The following NCOA3 variants were observed in gnomAD, a reference collection of about 807,000 sequenced individuals.
The protein encoded by NCOA3 is nuclear receptor coactivator 3, also known as CBP-interacting protein.
NCOA3 carries 51 observed loss-of-function variants against 158.8 expected under a neutral mutation model. The ratio of observed to expected loss-of-function variants is 0.32; its 90% CI spans 0.26 to 0.41. The LOEUF (loss-of-function observed/expected upper bound fraction) is 0.41, where lower values mean the gene tolerates loss of function less well. Ranked by LOEUF, NCOA3 falls within the 10% of genes least tolerant of loss-of-function variation. The probability of loss-of-function intolerance (pLI) is 1.00; values close to 1 mark genes in which losing one functional copy is unlikely to be tolerated. For synonymous variants in NCOA3, 537 were observed against 592.4 expected (o/e 0.91, Z 1.36); for missense variants, 1,510 against 1,746.6 (o/e 0.86, Z 2.41).
chr20:47,509,972 A>G (rs951672440), intron 1 of NCOA3, among the ~76,000 whole-genome samples: 6 of 152,208 alleles, frequency 3.9e-5, no homozygotes, highest in Non-Finnish European at 5.9e-5. Flanking sequence ...AGGAAAATCT[A>G]CCAGTGAAGA....
intron 1 of NCOA3, among the ~76,000 whole-genome samples, chr20:47,512,113 A>G (rs960239241): frequency 1.3e-5 from 2 of 152,180 alleles, no homozygotes; most frequent in African/African-American, 4.8e-5. Flanking sequence ...CCGGAAGTTA[A>G]AGACTAGGCT....
In NCOA3 at chr20:47,636,710, C is replaced by G. The variant is rs766270411; in HGVS notation, c.2324C>G (p.Pro775Arg). Residue 775 changes from proline to arginine, a missense_variant, in exon 12 of 23, where the codon CCT becomes CGT. By Grantham distance (103) the Pro-to-Arg change is moderately radical. Coordinates refer to ENST00000371998, the MANE Select transcript of NCOA3 (RefSeq NM_181659.3). ...KMSQCTSSTI[P>R]SSSQEKDPKI... ...AGTCAGTGCACCAGCTCCACCATTC[C>G]TAGCTCAAGTCAAGAGAAAGACCCT... 1.5e-5 allele frequency: 24 copies of G among 1,613,844 alleles called. No homozygotes were observed. Among genetic ancestry groups the G allele is most frequent in the Non-Finnish European group, 2.0e-5 (24 of 1,179,888 alleles).
intron 2 of NCOA3, among the ~76,000 whole-genome samples, chr20:47,597,221 G>T (rs1211377247): frequency 6.6e-6 from 1 of 152,186 alleles, no homozygotes; most frequent in Non-Finnish European, 1.5e-5. Context: ...CCTCCAACTG[G>T]TCTGCTTTAT....
chr20:47,643,108 T>C (rs2086636669), intron 17 of NCOA3, among the ~76,000 whole-genome samples: 1 of 152,190 alleles, frequency 6.6e-6, no homozygotes, highest in African/African-American at 2.4e-5. Flanking sequence ...GAGATGAGAT[T>C]TTGCCATGTT....
At chr20:47,593,805 A>G (rs925369893) in intron 2 of NCOA3, among the ~76,000 whole-genome samples, 1 of 152,214 alleles carries the variant, frequency 6.6e-6, no homozygotes, top group African/African-American at 2.4e-5. Context: ...TCTAGTTTCT[A>G]AAGTTCTGTT....
At chr20:47,605,590 C>T (rs1041611223) in intron 2 of NCOA3, among the ~76,000 whole-genome samples, 3 of 151,476 alleles carry the variant, frequency 2.0e-5, no homozygotes, top group Non-Finnish European at 2.9e-5. Flanking sequence ...GAGATTTTTT[C>T]GTTTTACCTG....
At chr20:47,546,100 C>G (rs918998034) in intron 1 of NCOA3, among the ~76,000 whole-genome samples, 1 of 152,174 alleles carries the variant, frequency 6.6e-6, no homozygotes, top group African/African-American at 2.4e-5. Flanking sequence ...ATTTAGATTT[C>G]TAATGGACAA....
In NCOA3 at chr20:47,640,111, T is replaced by C. The variant is rs1310991625; in HGVS notation, c.3080+60T>C. ...CAGCATTGGGTAGTTTAGAAAAGAG[T>C]TGGAGCACAGAAGCAAACGTGAAAG... On this transcript the variant is annotated intron_variant, in intron 16 of 22. Transcript: ENST00000371998. 2.0e-5 allele frequency: 32 copies of C among 1,605,848 alleles called. 1 individual carries two copies. Among genetic ancestry groups the C allele is most frequent in the South Asian group, 1.1e-4 (10 of 90,362 alleles).
chr20:47,522,091 G>T (rs1261481126), intron 1 of NCOA3, among the ~76,000 whole-genome samples: 2 of 127,136 alleles, frequency 1.6e-5, no homozygotes, highest in African/African-American at 2.9e-5. Context: ...AGTTACCATT[G>T]TACAGATCTT....
intron 1 of NCOA3, among the ~76,000 whole-genome samples, chr20:47,507,384 G>GC (rs1039963640): frequency 5.3e-5 from 8 of 152,124 alleles, no homozygotes; most frequent in African/African-American, 1.9e-4. Context: ...CTGGGCAGTG[G>GC]CAGAGCATGT....
intron 2 of NCOA3, among the ~76,000 whole-genome samples, chr20:47,586,068 C>T (rs1022576822): frequency 3.3e-5 from 5 of 151,754 alleles, no homozygotes; most frequent in African/African-American, 9.7e-5. Context: ...TACAGGCACG[C>T]GCCACCCTGC....
At chr20:47,621,908 CTCAG>C (rs1214950238) in intron 2 of NCOA3, among the ~76,000 whole-genome samples, 2 of 152,066 alleles carry the variant, frequency 1.3e-5, no homozygotes, top group Admixed American at 1.3e-4. Context: ...AACTCCTGAC[CTCAG>C]GTGATCCACC....
chr20:47,651,640 A>G (rs1025886892), intron 20 of NCOA3, among the ~76,000 whole-genome samples: 2 of 151,836 alleles, frequency 1.3e-5, no homozygotes, highest in African/African-American at 4.8e-5. Context: ...GTGGGCTTTT[A>G]AGTTGATTTT....
chr20:47,578,801 T>G lies in NCOA3; in HGVS notation c.-98-4382T>G, dbSNP rs112718351. On this transcript the variant is annotated intron_variant, in intron 1 of 22. Transcript: ENST00000371998. Reference sequence around the variant, plus strand: ...GACAGTGGCTCCCCTTTTCTGTGATTTTAGGGAAGTGAGGAAGGAGATCCT... The same window carrying G: ...GACAGTGGCTCCCCTTTTCTGTGATGTTAGGGAAGTGAGGAAGGAGATCCT... Among the ~76,000 whole-genome samples the G allele has an allele frequency of 7.1e-3, 1,084 of 152,308 alleles. 21 individuals carry two copies. The highest frequency in any genetic ancestry group is 0.025 in the African/African-American group (1,027 of 41,562).
At chr20:47,573,420 CAAAA>C (rs5841702) in intron 1 of NCOA3, among the ~76,000 whole-genome samples, 1 of 150,934 alleles carries the variant, frequency 6.6e-6, no homozygotes, top group African/African-American at 2.5e-5. Context: ...AACAAACAAA[CAAAA>C]AAACACTGAT....
At chr20:47,588,382 G>A (rs888349065) in intron 2 of NCOA3, among the ~76,000 whole-genome samples, 2 of 151,734 alleles carry the variant, frequency 1.3e-5, no homozygotes, top group South Asian at 2.1e-4. Flanking sequence ...CGATCCGCCC[G>A]CCTCTGCCTC....
chr20:47,577,003 C>T (rs1014641536), intron 1 of NCOA3, among the ~76,000 whole-genome samples: 3 of 152,184 alleles, frequency 2.0e-5, no homozygotes, highest in African/African-American at 2.4e-5. Context: ...TAATATTCAA[C>T]TCAGCCAAAG....
At chr20:47,528,504 C>T (rs553505353) in intron 1 of NCOA3, among the ~76,000 whole-genome samples, 1 of 152,292 alleles carries the variant, frequency 6.6e-6, no homozygotes, top group Non-Finnish European at 1.5e-5. Flanking sequence ...ATTGTTCCCT[C>T]TCTAACCCTC....
intron 1 of NCOA3, among the ~76,000 whole-genome samples, chr20:47,559,655 C>T (rs952149882): frequency 2.0e-5 from 3 of 151,276 alleles, no homozygotes; most frequent in African/African-American, 7.3e-5. Context: ...CCGAGGTGGG[C>T]GGATCACTTG....
Sources: gnomAD v4.1 joint callset for allele counts (sites outside exome capture counted in the v4.1 genomes callset) on GRCh38, gnomAD v4.1.1 for gene constraint, MANE v1.5 for transcripts, NCBI Gene and HGNC (gene_info 2026-07-23, HGNC 2026-07-21) for gene names.